The following DDX42 variants were observed in gnomAD, a reference collection of about 807,000 sequenced individuals.
The protein encoded by DDX42 is DEAD-box helicase 42.
DDX42 carries 22 observed loss-of-function variants against 101.5 expected under a neutral mutation model. The observed-to-expected ratio is 0.22, with a 90% CI of 0.15 to 0.31. DDX42 has a LOEUF of 0.31. Among genes scored for constraint, DDX42 ranks in the 10% least tolerant of loss-of-function variants. The pLI, the probability that DDX42 is intolerant of heterozygous loss-of-function variation, is 1.00. For synonymous variants in DDX42, 402 were observed against 401.2 expected, an observed-to-expected ratio of 1.00 and a Z score of -0.02; for missense variants, 849 against 1,199.9, an observed-to-expected ratio of 0.71 and a Z score of 4.32.
intron 15 of DDX42, among the ~76,000 whole-genome samples, 174 bp from the exon 16 acceptor site, chr17:63,815,389 G>A (rs1483074611): frequency 1.3e-5 from 2 of 152,168 alleles, no homozygotes; most frequent in Non-Finnish European, 2.9e-5. Flanking sequence ...GGTGGATTAT[G>A]CTACCAAAGA....
At chr17:63,788,246 T>C (rs1458536230) in intron 2 of DDX42, among the ~76,000 whole-genome samples, 1 of 151,286 alleles carries the variant, frequency 6.6e-6, no homozygotes, top group Non-Finnish European at 1.5e-5. Context: ...CCATATAAAT[T>C]GTTTAGTAAA....
intron 3 of DDX42, among the ~76,000 whole-genome samples, chr17:63,794,701 G>C (rs538885796): frequency 2.6e-5 from 4 of 151,776 alleles, no homozygotes; most frequent in Non-Finnish European, 5.9e-5. Context: ...CCAGCACTTT[G>C]GGAGGCCGAG....
At chr17:63,783,718 CTA>C (rs1230717896) in intron 1 of DDX42, among the ~76,000 whole-genome samples, 4 of 152,010 alleles carry the variant, frequency 2.6e-5, no homozygotes, top group Non-Finnish European at 5.9e-5. Flanking sequence ...AAGACAGTTT[CTA>C]TCTGGAGTTA....
At chr17:63,797,177 C>T (rs561715528) in intron 3 of DDX42, among the ~76,000 whole-genome samples, 88 of 152,020 alleles carry the variant, frequency 5.8e-4, no homozygotes, top group Non-Finnish European at 7.5e-4. Context: ...CATGGAGAAA[C>T]CCCGTCTCTA....
At chr17:63,811,024 A>T in intron 12 of DDX42, 52 bp from the exon 13 acceptor site, 2 of 1,454,222 alleles carry the variant, frequency 1.4e-6, no homozygotes, top group East Asian at 2.3e-5. Context: ...CTTAATGGGT[A>T]TGCATAAAGA....
intron 6 of DDX42, among the ~76,000 whole-genome samples, chr17:63,803,854 T>A (rs2039804998): frequency 6.6e-6 from 1 of 151,920 alleles, no homozygotes; most frequent in South Asian, 2.1e-4. Context: ...TTCACCATGT[T>A]GGCCAGGCTG....
At chr17:63,791,029 A>T (rs990831726) in intron 2 of DDX42, among the ~76,000 whole-genome samples, 2 of 152,256 alleles carry the variant, frequency 1.3e-5, no homozygotes, top group African/African-American at 4.8e-5. Context: ...GCATGTGTGT[A>T]TATAGCATAA....
chr17:63,793,941 T>C (rs2039660764), intron 3 of DDX42, among the ~76,000 whole-genome samples: 1 of 151,464 alleles, frequency 6.6e-6, no homozygotes, highest in Admixed American at 6.6e-5. Context: ...CCCCAAATCA[T>C]ATTGGTACTT....
intron 15 of DDX42, among the ~76,000 whole-genome samples, chr17:63,814,520 A>AT (rs2039952050): frequency 1.3e-5 from 2 of 152,122 alleles, no homozygotes; most frequent in Non-Finnish European, 2.9e-5. Flanking sequence ...AACAGGACAC[A>AT]TTTTGACTTT....
chr17:63,777,078 T>A (rs1002834870), intron 1 of DDX42, among the ~76,000 whole-genome samples: 1 of 152,100 alleles, frequency 6.6e-6, no homozygotes. Context: ...GGCTAATTTT[T>A]TAAATTTTTT....
chr17:63,812,308 A>G, intron 14 of DDX42, 100 bp downstream of exon 14: 1 of 1,447,456 alleles, frequency 6.9e-7, no homozygotes. Flanking sequence ...TGATGGAAAG[A>G]CTGTTGGCCT....
At chr17:63,784,495 C>A (rs776789887) in intron 1 of DDX42, among the ~76,000 whole-genome samples, 5 of 152,100 alleles carry the variant, frequency 3.3e-5, no homozygotes, top group Non-Finnish European at 7.4e-5. Flanking sequence ...AATTTTTAGG[C>A]CAGGCAAGGT....
chr17:63,802,452 G>A (rs1229764660), intron 6 of DDX42, among the ~76,000 whole-genome samples: 1 of 152,188 alleles, frequency 6.6e-6, no homozygotes, highest in Non-Finnish European at 1.5e-5. Flanking sequence ...ACAATTGAAA[G>A]TGTTTATTAC....
chr17:63,786,709 G>A (rs1396326405), intron 1 of DDX42, among the ~76,000 whole-genome samples: 1 of 151,596 alleles, frequency 6.6e-6, no homozygotes, highest in African/African-American at 2.4e-5. Context: ...ACGGAGTCTC[G>A]CTGTGTCGCC....
At chr17:63,787,311 T>A (rs1178833167) in intron 2 of DDX42, 41 bp downstream of exon 2, 6 of 1,589,096 alleles carry the variant, frequency 3.8e-6, no homozygotes, top group Non-Finnish European at 5.2e-6. Flanking sequence ...GTTTGGACTT[T>A]GATATATTCA....
At chr17:63,805,251 T>G in intron 7 of DDX42, 76 bp downstream of exon 7, 1 of 1,507,638 alleles carries the variant, frequency 6.6e-7, no homozygotes. Context: ...TTATCTAAAC[T>G]AATAACCTTG....
At chr17:63,811,885 C>G in intron 13 of DDX42, 47 bp from the exon 14 acceptor site, 1 of 1,612,980 alleles carries the variant, frequency 6.2e-7, no homozygotes, top group Non-Finnish European at 8.5e-7. Flanking sequence ...TTCAGGTGCC[C>G]TGTGGCTCCA....
chr17:63,785,771 G>A (rs1338553458), intron 1 of DDX42, among the ~76,000 whole-genome samples: 1 of 152,172 alleles, frequency 6.6e-6, no homozygotes, highest in African/African-American at 2.4e-5. Context: ...TTCCTGGATA[G>A]TGTTTCTATT....
rs996420468 is a variant in DDX42 at position 63,818,510 on chromosome 17, A to G, written c.*112A>G. The G allele has an allele frequency of 1.3e-5, 12 of 948,088 alleles. No homozygotes were observed. The highest frequency in any genetic ancestry group is 1.7e-5 in the South Asian group (1 of 57,172). 58.7% of individuals were successfully genotyped at this position (948,088 alleles called of 1,614,324 possible). A position where few individuals can be genotyped will look rare whatever the true frequency, so the allele number is the denominator to read the frequency against. On this transcript the variant is annotated 3_prime_UTR_variant, in exon 18 of 18. Coordinates refer to ENST00000389924, the MANE Select transcript of DDX42 (RefSeq NM_203499.3). ...CAAAGTGTAAGGACCCCCTGCCCTT[A>G]GTGGAGAGCTGGAGCTTGGAGACAT...
Sources: gnomAD v4.1 joint callset for allele counts (sites outside exome capture counted in the v4.1 genomes callset) on GRCh38, gnomAD v4.1.1 for gene constraint, MANE v1.5 for transcripts, NCBI Gene and HGNC (gene_info 2026-07-23, HGNC 2026-07-21) for gene names.